The following THTPA variants were observed in gnomAD, a reference collection of about 807,000 sequenced individuals.
The protein encoded by THTPA is thiamine-triphosphatase.
A neutral mutation model predicts 16.5 loss-of-function variants in THTPA; 16 were observed. The ratio of observed to expected loss-of-function variants is 0.97; its 90% CI spans 0.66 to 1.47. The LOEUF (loss-of-function observed/expected upper bound fraction) is 1.47. Among genes scored for constraint, THTPA ranks in the 40% most tolerant of loss-of-function variants. The pLI, the probability that THTPA is intolerant of heterozygous loss-of-function variation, is 0.00. For synonymous variants in THTPA, 110 were observed against 115.5 expected (o/e 0.95, Z 0.30); for missense variants, 281 against 280.9 (o/e 1.00, Z 0.00).
chr14:23,524,171 A>C, the THTPA span: 8 of 1,533,812 alleles, frequency 5.2e-6, no homozygotes, highest in Middle Eastern at 1.7e-4. This position sits in a 1 kb window ranked among gnomAD's most constrained non-coding sequence, Gnocchi z 5.6. Flanking sequence ...TGGACTAGGC[A>C]CCCCCCCAGG....
At chr14:23,542,377 C>T in the THTPA span, 2 of 151,662 alleles carry the variant, frequency 1.3e-5, no homozygotes, top group African/African-American at 4.9e-5. Context: ...CACACGTTCA[C>T]ATTTGCATGG....
the THTPA span, chr14:23,525,895 A>G: frequency 7.1e-7 from 1 of 1,405,752 alleles, no homozygotes; most frequent in Non-Finnish European, 9.2e-7. This position sits in a 1 kb window ranked among gnomAD's most constrained non-coding sequence, Gnocchi z 5.9. Context: ...CGGGCACCAG[A>G]GGGAAGGGGG....
chr14:23,546,255 G>A, the THTPA span, among the ~76,000 whole-genome samples: 1 of 152,178 alleles, frequency 6.6e-6, no homozygotes, highest in Non-Finnish European at 1.5e-5. The surrounding 1 kb of genome is among the most constrained non-coding windows in gnomAD (Gnocchi z 4.7). Flanking sequence ...TGATGGTCCT[G>A]CTGGGAATTC....
the THTPA span, chr14:23,514,412 G>A: frequency 6.6e-6 from 1 of 152,560 alleles, no homozygotes; most frequent in East Asian, 1.9e-4. Context: ...AGATCCCCTT[G>A]TCTGGTCTGT....
At chr14:23,521,629 T>G in the THTPA span, 2 of 261,572 alleles carry the variant, frequency 7.6e-6, no homozygotes, top group East Asian at 1.7e-4. Context: ...AAAAGGAAGA[T>G]AGAACCAAGG....
chr14:23,522,793 A>G, the THTPA span: 2 of 1,536,338 alleles, frequency 1.3e-6, no homozygotes, highest in Admixed American at 3.9e-5. Flanking sequence ...GGCCTGGGAC[A>G]GGGTCAGTGG....
chr14:23,530,113 A>G, the THTPA span: 1 of 1,535,866 alleles, frequency 6.5e-7, no homozygotes, highest in Non-Finnish European at 8.7e-7. Flanking sequence ...AGGGAGGGAA[A>G]ACTCACCCAA....
At chr14:23,549,163 G>C in the THTPA span, among the ~76,000 whole-genome samples, 4 of 151,750 alleles carry the variant, frequency 2.6e-5, no homozygotes, top group African/African-American at 9.7e-5. Context: ...CTTCTGTATT[G>C]CTATCAACAC....
At chr14:23,517,338 G>A in the THTPA span, among the ~76,000 whole-genome samples, 2 of 152,108 alleles carry the variant, frequency 1.3e-5, no homozygotes. Context: ...AAGATCTTCT[G>A]CAAATGTCCT....
At chr14:23,524,022 C>A in the THTPA span, 1 of 1,515,250 alleles carries the variant, frequency 6.6e-7, no homozygotes, top group Non-Finnish European at 8.8e-7. This position sits in a 1 kb window ranked among gnomAD's most constrained non-coding sequence, Gnocchi z 5.6. Flanking sequence ...GGCCCAGAAG[C>A]AAGCGTGGCA....
rs1197052548 is a variant in THTPA, at chr14:23,557,050, C to T, written c.293C>T (p.Ala98Val). 10 of 1,614,124 alleles carry T rather than the reference C, an allele frequency of 6.2e-6. No individual in the cohort carries two copies. Among genetic ancestry groups the T allele is most frequent in the Non-Finnish European group, 6.8e-6 (8 of 1,180,052 alleles). Residue 98 changes from alanine to valine, a missense_variant, in exon 1 of 2, where the codon GCT becomes GTT. By Grantham distance (64) the Ala-to-Val change is moderately conservative (BLOSUM62 0). Coordinates refer to ENST00000288014, the MANE Select transcript of THTPA (RefSeq NM_024328.6). ...IVAQLCKVLR[A>V]DGLGAGDVAA... ...GCCCAACTCTGTAAGGTGCTGCGGG[C>T]TGACGGCCTGGGGGCTGGAGATGTG...
the THTPA span, chr14:23,523,107 G>A: frequency 7.1e-7 from 1 of 1,404,258 alleles, no homozygotes; most frequent in South Asian, 1.7e-5. This position sits in a 1 kb window ranked among gnomAD's most constrained non-coding sequence, Gnocchi z 4.1. Context: ...GGCCACAGGA[G>A]ATTGGGCATG....
chr14:23,520,827 G>A, the THTPA span: 5 of 151,654 alleles, frequency 3.3e-5, no homozygotes, highest in African/African-American at 9.7e-5. The surrounding 1 kb of genome is among the most constrained non-coding windows in gnomAD (Gnocchi z 8.7). Context: ...GGAGCAGGGA[G>A]TGACACAAAT....
At chr14:23,526,271 A>G in the THTPA span, 4 of 1,536,238 alleles carry the variant, frequency 2.6e-6, no homozygotes, top group African/African-American at 2.7e-5. Context: ...AGAGGGGTCA[A>G]TGGCAGCCTT....
the THTPA span, chr14:23,529,481 C>G: frequency 1.8e-6 from 1 of 541,348 alleles, no homozygotes; most frequent in Non-Finnish European, 3.3e-6. Context: ...CCCTCAAGTT[C>G]CTGCTGTCTC....
chr14:23,537,112 C>T, the THTPA span, among the ~76,000 whole-genome samples: 1 of 152,038 alleles, frequency 6.6e-6, no homozygotes, highest in African/African-American at 2.4e-5. Flanking sequence ...CGGGACTGCA[C>T]CATCGTACTT....
At chr14:23,533,897 G>A in the THTPA span, 1 of 1,538,056 alleles carries the variant, frequency 6.5e-7, no homozygotes, top group South Asian at 1.2e-5. The surrounding 1 kb of genome is among the most constrained non-coding windows in gnomAD (Gnocchi z 4.8). Context: ...TTGCTCTCAG[G>A]GTGCTTCTCT....
the THTPA span, chr14:23,522,547 C>G: frequency 6.5e-7 from 1 of 1,527,212 alleles, no homozygotes; most frequent in Non-Finnish European, 8.8e-7. Context: ...ATAGCCCCTT[C>G]TTCATGCCAT....
At chr14:23,514,918 TCCTAC>T in the THTPA span, among the ~76,000 whole-genome samples, 12 of 152,068 alleles carry the variant, frequency 7.9e-5, no homozygotes, top group Non-Finnish European at 2.9e-5. Flanking sequence ...TCCACCTCCT[TCCTAC>T]CCTTATTGCC....
Sources: allele counts gnomAD v4.1 joint callset (sites outside exome capture counted in the v4.1 genomes callset), GRCh38; gene constraint gnomAD v4.1.1; non-coding constraint Gnocchi (gnomAD v3.1); transcripts MANE v1.5; gene names NCBI Gene and HGNC (gene_info 2026-07-23, HGNC 2026-07-21).